SMG7: variants seen among roughly 807,000 people sequenced by gnomAD.
The protein encoded by SMG7 is SMG7 nonsense mediated mRNA decay factor.
Under a neutral mutation model 148.2 loss-of-function variants are expected in SMG7, and 34 were observed. That is an observed-to-expected ratio of 0.23 (90% CI 0.17 to 0.31). The LOEUF (loss-of-function observed/expected upper bound fraction) is 0.31, where lower values mean the gene tolerates loss of function less well. SMG7 is among the 10% of genes least tolerant of loss of function. The pLI is 1.00. For missense variants in SMG7, 1,114 were observed against 1,408.4 expected, an observed-to-expected ratio of 0.79 and a Z score of 3.35; for synonymous variants, 492 against 515.1, an observed-to-expected ratio of 0.96 and a Z score of 0.61.
Position 183,544,450 on chromosome 1 carries a change from T to G in SMG7, c.1940T>G (p.Ile647Ser), listed in dbSNP as rs1337796027. 1.2e-6 allele frequency: 2 copies of G among 1,613,978 alleles called. No homozygotes were observed. The highest frequency in any genetic ancestry group is 3.3e-5 in the Admixed American group (2 of 60,022). Residue 647 changes from isoleucine to serine, a missense_variant, in exon 15 of 23, where the codon ATC becomes AGC. Physicochemically the swap from Ile to Ser is moderately radical, Grantham distance 142. Coordinates refer to ENST00000688051, the MANE Select transcript of SMG7 (RefSeq NM_001375584.1). ...ACTCAAGCAAGTAACTCCCAGTTCA[T>G]CCCCATTCATCACCCTGGAGCCTTC... ...TPTQASNSQFIPIHHPGAFPP... is the reference protein window; with the variant it reads ...TPTQASNSQFSPIHHPGAFPP...
At chr1:183,520,718 A>G (rs1437316002) in intron 4 of SMG7, among the ~76,000 whole-genome samples, 1 of 152,238 alleles carries the variant, frequency 6.6e-6, no homozygotes, top group Non-Finnish European at 1.5e-5. Flanking sequence ...TACATGACAT[A>G]CATGTGATAT....
intron 20 of SMG7, chr1:183,550,137 C>T (rs1051197114): frequency 2.7e-5 from 13 of 478,246 alleles, no homozygotes; most frequent in African/African-American, 2.0e-4. Context: ...TTTACATCCT[C>T]AGTAGCCAGC....
chr1:183,546,118 G>A lies in SMG7; in HGVS notation c.2523G>A (p.Gln841=), dbSNP rs759206393. The part of the protein sequence containing the change: ...FEPSLQPPVM[Q]QQPLEKKMKP... Reference sequence around the variant, plus strand: ...CGTCATTGCAACCTCCTGTAATGCAGCAGCAGCCTCTAGAAAAAAAAATGA... The same window carrying A: ...CGTCATTGCAACCTCCTGTAATGCAACAGCAGCCTCTAGAAAAAAAAATGA... The change falls in exon 17 of 23, where the codon CAG becomes CAA. Residue 841 remains glutamine (Q), a synonymous_variant. Coordinates refer to ENST00000688051, the MANE Select transcript of SMG7 (RefSeq NM_001375584.1). 20 of 1,613,848 alleles carry A rather than the reference G, an allele frequency of 1.2e-5. No homozygotes were observed. The highest frequency in any genetic ancestry group is 1.7e-5 in the Non-Finnish European group (20 of 1,179,944).
At chr1:183,482,440 A>T (rs370957635) in intron 1 of SMG7, among the ~76,000 whole-genome samples, 2 of 144,180 alleles carry the variant, frequency 1.4e-5, no homozygotes, top group African/African-American at 2.5e-5. Context: ...CATCTTAGGT[A>T]AAAAAAAAAA....
intron 14 of SMG7, among the ~76,000 whole-genome samples, chr1:183,543,827 T>A (rs543509977): frequency 6.6e-6 from 1 of 152,314 alleles, no homozygotes; most frequent in East Asian, 1.9e-4. Flanking sequence ...GCTGAAAGTA[T>A]CCTTATTTAT....
In SMG7 at chr1:183,544,503, T is replaced by C. The variant is rs781715427; in HGVS notation, c.1987+6T>C. ...TCCTCTTCCCAGCAGGCCAGGTAAA[T>C]ATGTTTTGTAATTTCTTCTACTTAA... On this transcript the variant is annotated splice_donor_region_variant and intron_variant, in intron 15 of 22. Coordinates refer to ENST00000688051, the MANE Select transcript of SMG7 (RefSeq NM_001375584.1). 6.2e-6 allele frequency: 10 copies of C among 1,612,408 alleles called. No individual in the cohort carries two copies. In the East Asian group the frequency reaches 2.0e-4, roughly 32 times the overall value.
chr1:183,509,137 G>A (rs1057253393), intron 1 of SMG7, among the ~76,000 whole-genome samples: 1 of 152,100 alleles, frequency 6.6e-6, no homozygotes, highest in African/African-American at 2.4e-5. Flanking sequence ...GGAAATGAAT[G>A]TGTGTGGCTG....
chr1:183,472,868 C>T (rs1411811567), intron 1 of SMG7: 2 of 405,032 alleles, frequency 4.9e-6, no homozygotes, highest in Non-Finnish European at 8.6e-6. Context: ...GAAGCCGGCT[C>T]GTCCCGGTGC....
chr1:183,526,881 TAAG>T (rs1424195193), intron 5 of SMG7, 114 bp downstream of exon 5: 6 of 828,416 alleles, frequency 7.2e-6, no homozygotes, highest in Non-Finnish European at 1.1e-5. Flanking sequence ...TAGATTGTCA[TAAG>T]AAGAAACTAT....
intron 1 of SMG7, among the ~76,000 whole-genome samples, chr1:183,512,090 C>T (rs1044344493): frequency 2.0e-5 from 3 of 151,948 alleles, no homozygotes; most frequent in Non-Finnish European, 4.4e-5. Flanking sequence ...TAGAGGGGAA[C>T]GTGGGGCAGA....
chr1:183,540,815 G>A (rs1263768629), intron 12 of SMG7, among the ~76,000 whole-genome samples, 169 bp from the exon 13 acceptor site: 4 of 152,146 alleles, frequency 2.6e-5, no homozygotes, highest in Admixed American at 1.3e-4. Flanking sequence ...TTCATAGTTT[G>A]TAAAAATCTC....
chr1:183,519,446 T>C (rs781528270), intron 4 of SMG7, among the ~76,000 whole-genome samples: 1 of 151,736 alleles, frequency 6.6e-6, no homozygotes, highest in Non-Finnish European at 1.5e-5. Context: ...ATTTTACAAG[T>C]AGCTGTCAAA....
intron 1 of SMG7, among the ~76,000 whole-genome samples, chr1:183,490,328 T>C: frequency 6.6e-6 from 1 of 152,212 alleles, no homozygotes; most frequent in Non-Finnish European, 1.5e-5. Flanking sequence ...AAACTTAGGT[T>C]GGAAGGACTG....
chr1:183,554,046 T>A lies in SMG7; in HGVS notation c.*2115T>A, dbSNP rs1313856015. ...GAGTAATGAGGGGGAGGAGAATCTT[T>A]ATCAGAAACTGGTTTTGTGTAGTAA... On this transcript the variant is annotated 3_prime_UTR_variant, in exon 23 of 23. Transcript: ENST00000688051. The A allele has an allele frequency of 6.5e-6, 1 of 152,682 alleles. No homozygotes were observed. The highest frequency in any genetic ancestry group is 2.4e-5 in the African/African-American group (1 of 41,452). 9.5% of individuals were successfully genotyped at this position (152,682 alleles called of 1,614,324 possible). A position where few individuals can be genotyped will look rare whatever the true frequency, so the allele number is the denominator to read the frequency against.
intron 4 of SMG7, among the ~76,000 whole-genome samples, chr1:183,524,301 T>C (rs1393449170): frequency 2.0e-5 from 3 of 152,126 alleles, no homozygotes; most frequent in Non-Finnish European, 4.4e-5. Context: ...TTGTTTATTT[T>C]GTAGAGACAG....
intron 1 of SMG7, among the ~76,000 whole-genome samples, chr1:183,486,995 G>T (rs1264506662): frequency 6.6e-6 from 1 of 152,178 alleles, no homozygotes; most frequent in East Asian, 1.9e-4. Context: ...TAGGTTTTTA[G>T]TTGCAAGGAA....
In SMG7 at chr1:183,519,207, T is replaced by C. The variant is rs116095854; in HGVS notation, c.312+1387T>C. On this transcript the variant is annotated intron_variant, in intron 4 of 22. Coordinates refer to ENST00000688051, the MANE Select transcript of SMG7 (RefSeq NM_001375584.1). ...GACCTGTCTCAAAAAAAAGAATCCC[T>C]GTGTTGGAACAATTCAGATAACTGT... 3.1e-3 allele frequency among the ~76,000 whole-genome samples: 476 copies of C among 152,274 alleles called. 2 individuals carry two copies. Among genetic ancestry groups the C allele is most frequent in the Middle Eastern group, 0.027 (8 of 294 alleles).
chr1:183,485,743 G>A (rs1277686958), intron 1 of SMG7, among the ~76,000 whole-genome samples: 1 of 152,192 alleles, frequency 6.6e-6, no homozygotes, highest in Non-Finnish European at 1.5e-5. Flanking sequence ...ACATAGAGAT[G>A]TTTAGGTGCC....
At chr1:183,483,161 T>C (rs1654588943) in intron 1 of SMG7, among the ~76,000 whole-genome samples, 1 of 152,164 alleles carries the variant, frequency 6.6e-6, no homozygotes, top group Admixed American at 6.5e-5. Flanking sequence ...TGCATTAATA[T>C]TCTCATCTGT....
Sources: gnomAD v4.1 joint callset for allele counts (sites outside exome capture counted in the v4.1 genomes callset) on GRCh38, gnomAD v4.1.1 for gene constraint, MANE v1.5 for transcripts, NCBI Gene and HGNC (gene_info 2026-07-23, HGNC 2026-07-21) for gene names.